NKAIN2: variants seen among roughly 807,000 people sequenced by gnomAD.
The protein encoded by NKAIN2 is sodium/potassium-transporting ATPase subunit beta-1-interacting protein 2.
In NKAIN2, 14 loss-of-function variants were observed where a neutral mutation model predicts 32.6. The ratio of observed to expected loss-of-function variants is 0.43; its 90% confidence interval spans 0.28 to 0.67. NKAIN2 has a LOEUF of 0.67. NKAIN2 is among the 30% of genes least tolerant of loss of function. The probability of loss-of-function intolerance (pLI) is 0.17; values close to 1 mark genes in which losing one functional copy is unlikely to be tolerated. For synonymous variants in NKAIN2, 80 were observed against 87.2 expected (o/e 0.92, Z 0.46); for missense variants, 198 against 258.3 (o/e 0.77, Z 1.60).
intron 1 of NKAIN2, among the ~76,000 whole-genome samples, chr6:124,129,928 A>AT (rs1267296140): frequency 1.3e-5 from 2 of 152,110 alleles, no homozygotes; most frequent in Non-Finnish European, 2.9e-5. Flanking sequence ...CTGAAGAGCA[A>AT]TTTTTTAAAC....
chr6:124,545,969 C>T lies in NKAIN2; in HGVS notation c.274-112217C>T, dbSNP rs9388342. Among the ~76,000 whole-genome samples, 40 of 152,002 alleles carry T rather than the reference C, an allele frequency of 2.6e-4. No homozygotes were observed. The East Asian group carries it at 7.7e-3, about 29-fold the overall frequency. ...TCAGAGACTGCTGTCTCTGCTTCAA[C>T]TTTTTTAATGTTTTATTTTGAACAA... On this transcript the variant is annotated intron_variant, in intron 3 of 6. Transcript: ENST00000368417.
intron 1 of NKAIN2, among the ~76,000 whole-genome samples, chr6:123,929,519 A>G (rs180739897): frequency 1.3e-5 from 2 of 152,128 alleles, no homozygotes; most frequent in Non-Finnish European, 2.9e-5. Flanking sequence ...AAGAAAAGAA[A>G]ATCTAACTTT....
chr6:123,943,350 T>A (rs1776909933), intron 1 of NKAIN2, among the ~76,000 whole-genome samples: 1 of 152,076 alleles, frequency 6.6e-6, no homozygotes, highest in African/African-American at 2.4e-5. Context: ...AAGTTACTGT[T>A]TCAAAACATT....
intron 1 of NKAIN2, among the ~76,000 whole-genome samples, chr6:124,144,857 A>G (rs1787320453): frequency 6.6e-6 from 1 of 152,162 alleles, no homozygotes. Context: ...ACTAGGAGGA[A>G]ATATCTGTAG....
At chr6:124,577,349 C>A (rs1323099285) in intron 3 of NKAIN2, among the ~76,000 whole-genome samples, 3 of 151,390 alleles carry the variant, frequency 2.0e-5, no homozygotes, top group Non-Finnish European at 4.4e-5. Flanking sequence ...CCCTCCTGCA[C>A]CCCCCAGCAG....
chr6:123,856,510 C>G (rs995924284), intron 1 of NKAIN2, among the ~76,000 whole-genome samples: 3 of 152,128 alleles, frequency 2.0e-5, no homozygotes, highest in Non-Finnish European at 2.9e-5. Context: ...TGGATTTACT[C>G]TATATCGTAA....
At chr6:123,963,762 G>A (rs1046485844) in intron 1 of NKAIN2, among the ~76,000 whole-genome samples, 1 of 152,096 alleles carries the variant, frequency 6.6e-6, no homozygotes, top group African/African-American at 2.4e-5. Context: ...TCTGAAGTCC[G>A]AGAACACACT....
At chr6:124,635,372 C>CA (rs1468706702) in intron 3 of NKAIN2, among the ~76,000 whole-genome samples, 1 of 151,814 alleles carries the variant, frequency 6.6e-6, no homozygotes, top group African/African-American at 2.4e-5. Context: ...AGAAAACCAG[C>CA]AAATGGCAAA....
intron 1 of NKAIN2, among the ~76,000 whole-genome samples, chr6:123,820,270 G>C (rs946590124): frequency 3.9e-5 from 6 of 152,184 alleles, no homozygotes; most frequent in Admixed American, 2.6e-4. Flanking sequence ...TAGTTACTCA[G>C]AGTTTCTGAT....
At chr6:124,353,625 G>A (rs1203155308) in intron 2 of NKAIN2, among the ~76,000 whole-genome samples, 1 of 152,124 alleles carries the variant, frequency 6.6e-6, no homozygotes, top group Admixed American at 6.5e-5. Flanking sequence ...CATAGTGGCA[G>A]GCGCCTGTAG....
intron 4 of NKAIN2, among the ~76,000 whole-genome samples, chr6:124,776,635 A>C (rs1778994872): frequency 6.6e-6 from 1 of 152,182 alleles, no homozygotes; most frequent in African/African-American, 2.4e-5. Flanking sequence ...TTTCTGCTAT[A>C]GTCTTGTATT....
chr6:124,083,198 C>A (rs908349717), intron 1 of NKAIN2, among the ~76,000 whole-genome samples: 4 of 151,672 alleles, frequency 2.6e-5, no homozygotes, highest in Admixed American at 6.6e-5. Flanking sequence ...TTATTACTAG[C>A]TGTGAAACTT....
At chr6:123,868,083 T>G (rs1188768667) in intron 1 of NKAIN2, among the ~76,000 whole-genome samples, 1 of 152,098 alleles carries the variant, frequency 6.6e-6, no homozygotes, top group Non-Finnish European at 1.5e-5. Context: ...TTAGCCAGGA[T>G]GGTCTTGATC....
chr6:124,544,586 G>A (rs2114852098), intron 3 of NKAIN2, among the ~76,000 whole-genome samples: 1 of 152,038 alleles, frequency 6.6e-6, no homozygotes, highest in South Asian at 2.1e-4. Flanking sequence ...GAGCAGAAAT[G>A]TCACAGAATA....
intron 3 of NKAIN2, among the ~76,000 whole-genome samples, chr6:124,559,492 C>T (rs1415938313): frequency 6.6e-6 from 1 of 152,172 alleles, no homozygotes; most frequent in African/African-American, 2.4e-5. Flanking sequence ...TTATGGCTGA[C>T]CCTGCTGGGA....
At chr6:124,588,159 G>A (rs1224111420) in intron 3 of NKAIN2, among the ~76,000 whole-genome samples, 5 of 152,130 alleles carry the variant, frequency 3.3e-5, no homozygotes, top group African/African-American at 1.2e-4. Flanking sequence ...GATCATGTCT[G>A]TTTAATTATT....
chr6:124,582,940 T>TA (rs1781575458), intron 3 of NKAIN2, among the ~76,000 whole-genome samples: 2 of 151,910 alleles, frequency 1.3e-5, no homozygotes, highest in South Asian at 4.1e-4. Flanking sequence ...ATAAAAACCC[T>TA]AAAAAACTAG....
chr6:124,584,220 G>A (rs1781625160), intron 3 of NKAIN2, among the ~76,000 whole-genome samples: 1 of 151,998 alleles, frequency 6.6e-6, no homozygotes. Context: ...CACAGAACAA[G>A]AGAAAACATT....
rs183262942 is a variant in NKAIN2 at position 124,037,256 on chromosome 6, T to A, written c.54+233002T>A. Among the ~76,000 whole-genome samples, 49 of 152,228 alleles carry A rather than the reference T, an allele frequency of 3.2e-4. 1 individual carries two copies. The highest frequency in any genetic ancestry group is 3.1e-3 in the Admixed American group (48 of 15,262). ...AGTAGATTCATAAAATTTAGAAGATTTGGAAATGTTTTTTGCCATACTGTG... is the reference window on the plus strand; with the variant it reads ...AGTAGATTCATAAAATTTAGAAGATATGGAAATGTTTTTTGCCATACTGTG... On this transcript the variant is annotated intron_variant, in intron 1 of 6. Coordinates refer to ENST00000368417, the MANE Select transcript of NKAIN2 (RefSeq NM_001040214.3).
Sources: allele counts gnomAD v4.1 joint callset (sites outside exome capture counted in the v4.1 genomes callset), GRCh38; gene constraint gnomAD v4.1.1; transcripts MANE v1.5; gene names NCBI Gene and HGNC (gene_info 2026-07-23, HGNC 2026-07-21).